The following LPL variants were observed in gnomAD, a reference collection of about 807,000 sequenced individuals.
LPL encodes the protein lipoprotein lipase.
Under a neutral mutation model 52.2 loss-of-function variants are expected in LPL, and 43 were observed. That is an observed-to-expected ratio of 0.82 (90% CI 0.64 to 1.06). The LOEUF is 1.06. LPL is among the 50% of genes least tolerant of loss of function. The probability of loss-of-function intolerance (pLI) is 0.00; values close to 1 mark genes in which losing one functional copy is unlikely to be tolerated. For missense variants in LPL, 639 were observed against 585.3 expected (o/e 1.09, Z -0.95); for synonymous variants, 244 against 215.6 (o/e 1.13, Z -1.15).
In LPL at chr8:19,953,439, T is replaced by C. The variant is rs1210772000; in HGVS notation, c.541+18T>C. Reference sequence around the variant, plus strand: ...AATTACTGGTAAGAAAGCAATTTCGTTGGTCTTATCATAAGAGGTGAAAAG... The same window carrying C: ...AATTACTGGTAAGAAAGCAATTTCGCTGGTCTTATCATAAGAGGTGAAAAG... On this transcript the variant is annotated intron_variant, in intron 4 of 9. Transcript: ENST00000650287. 1.3e-6 allele frequency: 2 copies of C among 1,581,640 alleles called. No homozygotes were observed. The highest frequency in any genetic ancestry group is 1.7e-5 in the Admixed American group (1 of 59,936).
Position 19,956,089 on chromosome 8 carries a change from C to A in LPL, c.1018+6C>A. 1 of 1,614,070 alleles carries A rather than the reference C, an allele frequency of 6.2e-7. No individual in the cohort carries two copies. The highest frequency in any genetic ancestry group is 8.5e-7 in the Non-Finnish European group (1 of 1,180,012). ...TTCTCAGATGCCCTACAAAGGTAGG[C>A]TGGAGACTGTTGTAAATAAGGAAAC... is the stretch of plus-strand genomic sequence containing the variant. On this transcript the variant is annotated splice_donor_region_variant and intron_variant, in intron 6 of 9. Coordinates refer to ENST00000650287, the MANE Select transcript of LPL (RefSeq NM_000237.3).
intron 6 of LPL, among the ~76,000 whole-genome samples, chr8:19,957,305 G>A (rs1294270135): frequency 2.6e-5 from 4 of 152,122 alleles, no homozygotes; most frequent in African/African-American, 9.7e-5. Context: ...GAATCCAGAT[G>A]GAAACCTGAG....
intron 1 of LPL, among the ~76,000 whole-genome samples, chr8:19,941,493 C>G (rs1032253446): frequency 6.6e-6 from 1 of 152,228 alleles, no homozygotes; most frequent in Non-Finnish European, 1.5e-5. Flanking sequence ...CCAATGTTCT[C>G]TGAGCCTGGT....
In LPL at chr8:19,951,606, C is replaced by A; in HGVS notation, c.250-163C>A. ...TTACTTAGATCTGCCTTGGAAGGGACAGACCTGTCTCTGAACACTGTTCTG... is the reference window on the plus strand; with the variant it reads ...TTACTTAGATCTGCCTTGGAAGGGAAAGACCTGTCTCTGAACACTGTTCTG... On this transcript the variant is annotated intron_variant, in intron 2 of 9. Transcript: ENST00000650287. 12 of 821,058 alleles carry A rather than the reference C, an allele frequency of 1.5e-5. No individual in the cohort carries two copies. The Admixed American group carries it at 1.6e-4, about 11-fold the overall frequency. The allele number at this position is 821,058 out of a possible 1,614,324, so 50.9% of individuals were successfully genotyped here.
At chr8:19,963,288 T>A (rs1404847124) in intron 9 of LPL, among the ~76,000 whole-genome samples, 2 of 152,076 alleles carry the variant, frequency 1.3e-5, no homozygotes, top group Non-Finnish European at 2.9e-5. Flanking sequence ...ATATAAAAAT[T>A]AGCTGGGTGT....
At chr8:19,943,193 C>T (rs1590136417) in intron 1 of LPL, among the ~76,000 whole-genome samples, 1 of 152,218 alleles carries the variant, frequency 6.6e-6, no homozygotes, top group East Asian at 1.9e-4. Context: ...GGGGTAATAC[C>T]ATTCTGGCTT....
intron 7 of LPL, 73 bp downstream of exon 7, chr8:19,959,453 A>C: frequency 6.4e-7 from 1 of 1,570,238 alleles, no homozygotes; most frequent in Non-Finnish European, 8.7e-7. Context: ...TGAGCAGCAG[A>C]AGCAGAGAGC....
At chr8:19,963,637 C>A (rs1387990090) in intron 9 of LPL, among the ~76,000 whole-genome samples, 2 of 152,010 alleles carry the variant, frequency 1.3e-5, no homozygotes, top group Non-Finnish European at 2.9e-5. Context: ...TATTTATATT[C>A]TTTCGGACTT....
intron 1 of LPL, among the ~76,000 whole-genome samples, chr8:19,940,595 T>TGAATGG (rs2069829288): frequency 6.6e-6 from 1 of 152,256 alleles, no homozygotes; most frequent in African/African-American, 2.4e-5. Flanking sequence ...AGAGAGCAGC[T>TGAATGG]GAAGCCATTC....
Position 19,939,826 on chromosome 8 carries a change from G to A in LPL, c.88+298G>A, listed in dbSNP as rs1027315257. 7.2e-5 allele frequency among the ~76,000 whole-genome samples: 11 copies of A among 152,256 alleles called. No individual in the cohort carries two copies. In the South Asian group the frequency reaches 1.9e-3, roughly 26 times the overall value. On this transcript the variant is annotated intron_variant, in intron 1 of 9. Transcript: ENST00000650287. The surrounding 1 kb of genome is among the most constrained non-coding windows in gnomAD (Gnocchi z 4.0). ...CGTTCCCGGGCTCGCAGGCTCCGCC[G>A]GGGAGGTTCCGGGGTGTGGGGGCCG...
rs561455692 is a variant in LPL, at chr8:19,953,476, G to C, written c.541+55G>C. 4.6e-5 allele frequency: 62 copies of C among 1,360,576 alleles called. 1 individual carries two copies. In the East Asian group the frequency reaches 7.6e-4, roughly 17 times the overall value. 84.3% of individuals were successfully genotyped at this position (1,360,576 alleles called of 1,614,324 possible). A position where few individuals can be genotyped will look rare whatever the true frequency, so the allele number is the denominator to read the frequency against. ...TAAGAGGTGAAAAGACTGTCATTCTGAGAGAGAATCAGAACAAATTTTGTT... is the reference window on the plus strand; with the variant it reads ...TAAGAGGTGAAAAGACTGTCATTCTCAGAGAGAATCAGAACAAATTTTGTT... On this transcript the variant is annotated intron_variant, in intron 4 of 9. Transcript: ENST00000650287.
chr8:19,956,979 A>G (rs2069991518), intron 6 of LPL, among the ~76,000 whole-genome samples: 1 of 152,148 alleles, frequency 6.6e-6, no homozygotes, highest in African/African-American at 2.4e-5. Flanking sequence ...ATGCACCATC[A>G]TGCCCAGCTA....
chr8:19,960,194 AG>A (rs1330663878), intron 7 of LPL, among the ~76,000 whole-genome samples: 2 of 152,232 alleles, frequency 1.3e-5, no homozygotes, highest in Non-Finnish European at 2.9e-5. Flanking sequence ...AAGGTGGTGA[AG>A]CAGAACATGC....
chr8:19,954,995 C>T (rs574795177), intron 5 of LPL, among the ~76,000 whole-genome samples: 64 of 152,212 alleles, frequency 4.2e-4, no homozygotes, highest in African/African-American at 7.9e-4. Flanking sequence ...TGAGCCACCA[C>T]GCCCAGTTTA....
chr8:19,941,272 CAAG>C (rs759040871), intron 1 of LPL, among the ~76,000 whole-genome samples: 11 of 152,202 alleles, frequency 7.2e-5, no homozygotes, highest in Non-Finnish European at 1.0e-4. Flanking sequence ...TTAATGCTGA[CAAG>C]AAGATGGTAG....
At chr8:19,953,476 G>A (rs561455692) in intron 4 of LPL, 55 bp downstream of exon 4, 2 of 1,360,576 alleles carry the variant, frequency 1.5e-6, no homozygotes, top group Non-Finnish European at 1.0e-6. Context: ...CTGTCATTCT[G>A]AGAGAGAATC....
intron 5 of LPL, among the ~76,000 whole-genome samples, chr8:19,955,219 T>C (rs780055591): frequency 2.0e-5 from 3 of 152,192 alleles, no homozygotes; most frequent in Non-Finnish European, 4.4e-5. Flanking sequence ...GAACCCTCAA[T>C]TGTACATAAT....
chr8:19,954,407 G>A, intron 5 of LPL, 54 bp downstream of exon 5: 1 of 1,524,690 alleles, frequency 6.6e-7, no homozygotes. Context: ...AACCCTTATT[G>A]ACCCAATGTC....
At position 19,958,080 on chromosome 8, in the gene LPL, C is replaced by T. The variant is rs288; in HGVS notation, c.1019-1180C>T. 2.5e-3 allele frequency among the ~76,000 whole-genome samples: 380 copies of T among 151,706 alleles called. 6 individuals carry two copies. The highest frequency in any genetic ancestry group is 0.02 in the Admixed American group (309 of 15,220). On this transcript the variant is annotated intron_variant, in intron 6 of 9. Coordinates refer to ENST00000650287, the MANE Select transcript of LPL (RefSeq NM_000237.3). ...AGTTACCCAGGCTGGAGTGCAGCGG[C>T]GCAATCTTAGCTCACTGCAACCTCT...
Sources: allele counts gnomAD v4.1 joint callset (sites outside exome capture counted in the v4.1 genomes callset), GRCh38; gene constraint gnomAD v4.1.1; non-coding constraint Gnocchi (gnomAD v3.1); transcripts MANE v1.5; gene names NCBI Gene and HGNC (gene_info 2026-07-23, HGNC 2026-07-21).